MSR1: variants seen among roughly 807,000 people sequenced by gnomAD.
MSR1 encodes the protein macrophage scavenger receptor types I and II.
Under a neutral mutation model 47.2 loss-of-function variants are expected in MSR1, and 53 were observed. That is an observed-to-expected ratio of 1.12 (90% CI 0.90 to 1.41). The LOEUF is 1.41. Ranked by LOEUF, MSR1 falls within the 40% of genes most tolerant of loss-of-function variation. The probability of loss-of-function intolerance (pLI) is 0.00; values close to 1 mark genes in which losing one functional copy is unlikely to be tolerated. For missense variants in MSR1, 786 were observed against 546.9 expected, an observed-to-expected ratio of 1.44 and a Z score of -4.36; for synonymous variants, 239 against 185.6, an observed-to-expected ratio of 1.29 and a Z score of -2.34.
chr8:16,139,957 G>T, intron 8 of MSR1: 1 of 418,400 alleles, frequency 2.4e-6, no homozygotes, highest in Non-Finnish European at 3.2e-6. Flanking sequence ...GTATAGCTTA[G>T]ATGTATTGTA....
chr8:16,183,984 A>G (rs1801920297), intron 1 of MSR1, among the ~76,000 whole-genome samples: 1 of 149,840 alleles, frequency 6.7e-6, no homozygotes, highest in Admixed American at 6.8e-5. Context: ...GGAATACAGA[A>G]AAGATGACAA....
chr8:16,186,145 T>C (rs1256563631), intron 1 of MSR1: 1 of 1,530,420 alleles, frequency 6.5e-7, no homozygotes, highest in Non-Finnish European at 8.8e-7. Flanking sequence ...TAAATGAAAG[T>C]TGTTCATGCT....
Position 16,153,777 on chromosome 8 carries a change from G to C in MSR1, c.898+1287C>G, listed in dbSNP as rs192193966. 1.4e-4 allele frequency among the ~76,000 whole-genome samples: 22 copies of C among 152,016 alleles called. 1 individual carries two copies. Among genetic ancestry groups the C allele is most frequent in the Admixed American group, 1.1e-3 (17 of 15,196 alleles). ...TCTGACAATTGCAGCCTGTATGGAG[G>C]GGGTGATAGACCCTTGACAATGGTA... On this transcript the variant is annotated intron_variant, in intron 6 of 9. Transcript: ENST00000262101.
At chr8:16,171,489 A>T (rs1801485973) in intron 3 of MSR1, among the ~76,000 whole-genome samples, 1 of 152,174 alleles carries the variant, frequency 6.6e-6, no homozygotes, top group South Asian at 2.1e-4. Context: ...CTTGGAAATA[A>T]AAGTATATTT....
chr8:16,191,989 A>C (rs976002978), intron 1 of MSR1, among the ~76,000 whole-genome samples: 2 of 152,176 alleles, frequency 1.3e-5, no homozygotes, highest in Non-Finnish European at 2.9e-5. Context: ...AATTATCTAT[A>C]GTACTTTCAT....
chr8:16,145,853 T>C (rs1022360423), intron 7 of MSR1, among the ~76,000 whole-genome samples: 1 of 152,134 alleles, frequency 6.6e-6, no homozygotes, highest in African/African-American at 2.4e-5. Context: ...TCCTTCAGAA[T>C]GATACCTTTG....
intron 8 of MSR1, chr8:16,141,096 A>C (rs756762255): frequency 6.2e-7 from 1 of 1,602,348 alleles, no homozygotes; most frequent in Non-Finnish European, 8.5e-7. Flanking sequence ...TATTTTCAGA[A>C]AGCCTTACAA....
intron 9 of MSR1, among the ~76,000 whole-genome samples, chr8:16,117,309 T>A (rs1409327028): frequency 1.3e-5 from 2 of 152,076 alleles, no homozygotes; most frequent in Non-Finnish European, 2.9e-5. Flanking sequence ...GAATCTAATG[T>A]CTGATGATCT....
intron 5 of MSR1, among the ~76,000 whole-genome samples, chr8:16,156,883 A>G (rs1218535608): frequency 1.3e-5 from 2 of 151,936 alleles, no homozygotes; most frequent in Non-Finnish European, 2.9e-5. Flanking sequence ...TATTCCCTGC[A>G]GAAGAATGTA....
chr8:16,146,507 C>T (rs1355818077), intron 7 of MSR1, among the ~76,000 whole-genome samples: 1 of 152,104 alleles, frequency 6.6e-6, no homozygotes, highest in African/African-American at 2.4e-5. Context: ...CTCCGCATAC[C>T]CTAATCTGGT....
intron 8 of MSR1, among the ~76,000 whole-genome samples, chr8:16,130,521 G>A (rs560644792): frequency 3.3e-5 from 5 of 152,212 alleles, no homozygotes; most frequent in African/African-American, 1.2e-4. Context: ...TACCTGTGAA[G>A]GTTGGTTATA....
At chr8:16,116,244 G>A (rs942004849) in intron 9 of MSR1, among the ~76,000 whole-genome samples, 4 of 152,222 alleles carry the variant, frequency 2.6e-5, no homozygotes, top group African/African-American at 9.6e-5. Flanking sequence ...AATCTGCCAG[G>A]TCAGTATTAT....
intron 7 of MSR1, among the ~76,000 whole-genome samples, chr8:16,146,117 G>T (rs564523997): frequency 6.6e-6 from 1 of 152,068 alleles, no homozygotes; most frequent in East Asian, 1.9e-4. Context: ...CTGCTTACAT[G>T]CCTTAATTAC....
chr8:16,140,758 G>A (rs564157730), intron 8 of MSR1: 7 of 1,433,424 alleles, frequency 4.9e-6, no homozygotes, highest in Admixed American at 5.8e-5. Flanking sequence ...GGGGGTGATA[G>A]GGGAGAGAGG....
At chr8:16,125,029 T>TTTGGAAAAAC (rs1169722657) in intron 8 of MSR1, among the ~76,000 whole-genome samples, 1 of 151,686 alleles carries the variant, frequency 6.6e-6, no homozygotes, top group East Asian at 1.9e-4. Context: ...AACATAAGTG[T>TTTGGAAAAAC]TTTTATGGAA....
intron 5 of MSR1, among the ~76,000 whole-genome samples, chr8:16,163,493 G>T (rs2117167602): frequency 6.6e-6 from 1 of 151,310 alleles, no homozygotes; most frequent in South Asian, 2.1e-4. Flanking sequence ...ATAATGTAAA[G>T]CTAAAACTAA....
chr8:16,178,100 T>A, intron 1 of MSR1, 108 bp from the exon 2 acceptor site: 3 of 847,494 alleles, frequency 3.5e-6, no homozygotes, highest in Non-Finnish European at 5.5e-6. Flanking sequence ...CTATTCAGTT[T>A]TTCTTTTTTT....
chr8:16,176,367 C>T (rs965412680), intron 2 of MSR1, among the ~76,000 whole-genome samples: 12 of 151,816 alleles, frequency 7.9e-5, no homozygotes, highest in Non-Finnish European at 1.8e-4. Context: ...ATTAGCCAGT[C>T]ATGGTAGCAT....
At chr8:16,180,280 T>C (rs752636317) in intron 1 of MSR1, among the ~76,000 whole-genome samples, 36 of 152,018 alleles carry the variant, frequency 2.4e-4, no homozygotes, top group Admixed American at 2.4e-3. Context: ...TTTATGTGCA[T>C]ACTAAGCAGC....
Sources: allele counts gnomAD v4.1 joint callset (sites outside exome capture counted in the v4.1 genomes callset), GRCh38; gene constraint gnomAD v4.1.1; transcripts MANE v1.5; gene names NCBI Gene and HGNC (gene_info 2026-07-23, HGNC 2026-07-21).